The following PCDHGB5 variants were observed in gnomAD, a reference collection of about 807,000 sequenced individuals.
PCDHGB5 encodes protocadherin gamma-B5.
PCDHGB5 carries 48 observed loss-of-function variants against 62.9 expected under a neutral mutation model. The ratio of observed to expected loss-of-function variants is 0.76; its 90% CI spans 0.61 to 0.97. The LOEUF (loss-of-function observed/expected upper bound fraction) is 0.97, where lower values mean the gene tolerates loss of function less well. Ranked by LOEUF, PCDHGB5 falls within the 50% of genes least tolerant of loss-of-function variation. The pLI is 0.00. For synonymous variants in PCDHGB5, 474 were observed against 511.2 expected (o/e 0.93, Z 0.98); for missense variants, 1,118 against 1,198.6 (o/e 0.93, Z 0.99).
chr5:141,421,239 G>C, intron 1 of PCDHGB5: 1 of 1,599,000 alleles, frequency 6.3e-7, no homozygotes, highest in South Asian at 1.1e-5. Flanking sequence ...TGGCGAATCG[G>C]CTACAGCGCG....
In PCDHGB5 at chr5:141,460,961, A is replaced by ATATGTGTGTG. The variant is rs1463306338; in HGVS notation, c.2398-33845_2398-33844insATGTGTGTGT. On this transcript the variant is annotated intron_variant, in intron 1 of 3. Coordinates refer to ENST00000617380, the MANE Select transcript of PCDHGB5 (RefSeq NM_018925.3). ...ATATATATGTATTATGTATATATAT[A>ATATGTGTGTG]TGTGTGTGTGTGTGTGTGTGTGTAT... Among the ~76,000 whole-genome samples the ATATGTGTGTG allele has an allele frequency of 1.3e-3, 194 of 144,616 alleles. 1 individual carries two copies. The highest frequency in any genetic ancestry group is 4.7e-3 in the African/African-American group (182 of 38,716). 94.9% of individuals were successfully genotyped at this position (144,616 alleles called of 152,430 possible). A position where few individuals can be genotyped will look rare whatever the true frequency, so the allele number is the denominator to read the frequency against.
rs1000330093 is a variant in PCDHGB5 at position 141,511,812 on chromosome 5, C to T, written c.*639C>T. 2.5e-5 allele frequency: 4 copies of T among 157,260 alleles called. No individual in the cohort carries two copies. Among genetic ancestry groups the T allele is most frequent in the African/African-American group, 9.6e-5 (4 of 41,492 alleles). The allele number at this position is 157,260 out of a possible 1,614,324, so 9.7% of individuals were successfully genotyped here. The stretch of plus-strand genomic sequence containing the variant: ...TAGGGAGGGCATTTTGCTACCAAGC[C>T]TCTTCCCAACGCCCTGGGGACCAGT... On this transcript the variant is annotated 3_prime_UTR_variant, in exon 4 of 4. Transcript: ENST00000617380.
At chr5:141,423,749 T>TTG (rs1249843775) in intron 1 of PCDHGB5, 127 of 272,264 alleles carry the variant, frequency 4.7e-4, no homozygotes, top group South Asian at 6.4e-4. Context: ...TGAAAACTGT[T>TTG]TGGGGGGGGG....
rs371807105 is a variant in PCDHGB5 at position 141,476,586 on chromosome 5, A to G, written c.2398-18221A>G. ...GCTCCGGGGACGCGCTTTCCGCTCG[A>G]GAGCGCGCACGATCCCGATGTGGGA... is the stretch of plus-strand genomic sequence containing the variant. On this transcript the variant is annotated intron_variant, in intron 1 of 3. Coordinates refer to ENST00000617380, the MANE Select transcript of PCDHGB5 (RefSeq NM_018925.3). This position sits in a 1 kb window ranked among gnomAD's most constrained non-coding sequence, Gnocchi z 7.6. The G allele has an allele frequency of 6.2e-7, 1 of 1,614,222 alleles. No homozygotes were observed. The highest frequency in any genetic ancestry group is 8.5e-7 in the Non-Finnish European group (1 of 1,180,032).
At position 141,491,724 on chromosome 5, in the gene PCDHGB5, G is replaced by A; in HGVS notation, c.2398-3083G>A. ...AGGTGAGGGGCTCGGCGCCGCCCCGGGCGACCCCTGGGGGCGGCACTGGAG... is the reference window on the plus strand; with the variant it reads ...AGGTGAGGGGCTCGGCGCCGCCCCGAGCGACCCCTGGGGGCGGCACTGGAG... On this transcript the variant is annotated intron_variant, in intron 1 of 3. Coordinates refer to ENST00000617380, the MANE Select transcript of PCDHGB5 (RefSeq NM_018925.3). This position sits in a 1 kb window ranked among gnomAD's most constrained non-coding sequence, Gnocchi z 6.9. 1 of 1,606,454 alleles carries A rather than the reference G, an allele frequency of 6.2e-7. No individual in the cohort carries two copies. The highest frequency in any genetic ancestry group is 1.1e-5 in the South Asian group (1 of 90,304).
At chr5:141,414,452 T>G in intron 1 of PCDHGB5, 1 of 1,613,886 alleles carries the variant, frequency 6.2e-7, no homozygotes, top group Non-Finnish European at 8.5e-7. Context: ...AATATCACAG[T>G]GACAGCCACA....
At chr5:141,478,586 T>C (rs754157570) in intron 1 of PCDHGB5, 6 of 1,576,788 alleles carry the variant, frequency 3.8e-6, no homozygotes, top group Non-Finnish European at 3.4e-6. Context: ...GTTAGTGCTT[T>C]TTTATTCCTA....
Position 141,410,405 on chromosome 5 carries a change from T to C in PCDHGB5, c.2397+9881T>C, listed in dbSNP as rs777544150. ...CTTCCATCCTGGTCTCTGTGTCAAGTCTGGACCTGTAGTTCCCCCCAACTA... is the reference window on the plus strand; with the variant it reads ...CTTCCATCCTGGTCTCTGTGTCAAGCCTGGACCTGTAGTTCCCCCCAACTA... On this transcript the variant is annotated intron_variant, in intron 1 of 3. Transcript: ENST00000617380. 2.2e-5 allele frequency: 35 copies of C among 1,613,948 alleles called. 1 individual carries two copies. In the East Asian group the frequency reaches 7.8e-4, roughly 36 times the overall value.
rs1283050252 is a variant in PCDHGB5, at chr5:141,512,909, T to G, written c.*1736T>G. ...CCTCTTCCTGTGTCTCACGCAAGTT[T>G]TATACTCTAATATTTATATGGCTTT... On this transcript the variant is annotated 3_prime_UTR_variant, in exon 4 of 4. Coordinates refer to ENST00000617380, the MANE Select transcript of PCDHGB5 (RefSeq NM_018925.3). 6.6e-6 allele frequency: 1 copy of G among 152,268 alleles called. No homozygotes were observed. The highest frequency in any genetic ancestry group is 1.5e-5 in the Non-Finnish European group (1 of 68,056). 9.4% of individuals were successfully genotyped at this position (152,268 alleles called of 1,614,324 possible).
intron 1 of PCDHGB5, among the ~76,000 whole-genome samples, chr5:141,454,065 G>A (rs1167102666): frequency 1.3e-5 from 2 of 152,204 alleles, no homozygotes; most frequent in Non-Finnish European, 2.9e-5. Flanking sequence ...AGAAACAAAA[G>A]TGATAATGTT....
intron 1 of PCDHGB5, among the ~76,000 whole-genome samples, chr5:141,438,606 A>G: frequency 3.6e-5 from 1 of 27,780 alleles, no homozygotes; most frequent in African/African-American, 2.7e-4. Flanking sequence ...ATATATATAT[A>G]TATATATATA....
intron 1 of PCDHGB5, chr5:141,400,775 C>T (rs2094072666): frequency 5.4e-6 from 3 of 559,824 alleles, no homozygotes; most frequent in South Asian, 5.1e-5. Context: ...ACATTTGGTG[C>T]GTTTTTTTGT....
rs766191511 is a variant in PCDHGB5, at chr5:141,432,498, G to T, written c.2397+31974G>T. ...TCCACTGGCGTGGAGCTGGCTCCCC[G>T]CTCCGCAGAGCCCGGCTACCTGGTG... On this transcript the variant is annotated intron_variant, in intron 1 of 3. Coordinates refer to ENST00000617380, the MANE Select transcript of PCDHGB5 (RefSeq NM_018925.3). The surrounding 1 kb of genome is among the most constrained non-coding windows in gnomAD (Gnocchi z 6.0). The T allele has an allele frequency of 6.2e-7, 1 of 1,614,106 alleles. No homozygotes were observed. The highest frequency in any genetic ancestry group is 8.5e-7 in the Non-Finnish European group (1 of 1,180,052).
chr5:141,508,171 A>G (rs1364776681), intron 3 of PCDHGB5: 2 of 152,406 alleles, frequency 1.3e-5, no homozygotes, highest in African/African-American at 4.8e-5. Context: ...AGGCTGGCAC[A>G]GGAGAGAAGG....
At position 141,487,448 on chromosome 5, in the gene PCDHGB5, C is replaced by T; in HGVS notation, c.2398-7359C>T. The stretch of plus-strand genomic sequence containing the variant: ...CCGAATCCAGCTAGGGTCAGATGAC[C>T]CTATCAAGTTTGTTGATGTGGGAGG... On this transcript the variant is annotated intron_variant, in intron 1 of 3. Coordinates refer to ENST00000617380, the MANE Select transcript of PCDHGB5 (RefSeq NM_018925.3). The surrounding 1 kb of genome is among the most constrained non-coding windows in gnomAD (Gnocchi z 5.0). 6.8e-6 allele frequency: 11 copies of T among 1,614,146 alleles called. No individual in the cohort carries two copies. The highest frequency in any genetic ancestry group is 9.3e-6 in the Non-Finnish European group (11 of 1,180,028).
rs761202330 is a variant in PCDHGB5 at position 141,489,878 on chromosome 5, C to T, written c.2398-4929C>T. 1.1e-5 allele frequency: 17 copies of T among 1,614,116 alleles called. No individual in the cohort carries two copies. In the East Asian group the frequency reaches 3.6e-4, roughly 34 times the overall value. On this transcript the variant is annotated intron_variant, in intron 1 of 3. Transcript: ENST00000617380. This position sits in a 1 kb window ranked among gnomAD's most constrained non-coding sequence, Gnocchi z 4.5. ...CAGGCAAGACATCAGCTGGTGCTTA[C>T]TGCTGTGGATGGGGGGACCCCAGCC... is the stretch of plus-strand genomic sequence containing the variant.
chr5:141,405,339 A>T (rs980651625), intron 1 of PCDHGB5: 12 of 1,614,060 alleles, frequency 7.4e-6, no homozygotes, highest in Non-Finnish European at 1.0e-5. Context: ...GTCTCTGTTG[A>T]TTCCAAGTTT....
At position 141,431,353 on chromosome 5, in the gene PCDHGB5, C is replaced by T. The variant is rs1273946805; in HGVS notation, c.2397+30829C>T. 1 of 1,613,940 alleles carries T rather than the reference C, an allele frequency of 6.2e-7. No homozygotes were observed. Among genetic ancestry groups the T allele is most frequent in the Non-Finnish European group, 8.5e-7 (1 of 1,180,042 alleles). On this transcript the variant is annotated intron_variant, in intron 1 of 3. Coordinates refer to ENST00000617380, the MANE Select transcript of PCDHGB5 (RefSeq NM_018925.3). This position sits in a 1 kb window ranked among gnomAD's most constrained non-coding sequence, Gnocchi z 4.8. ...AGTACCCCGAATTGGTGCTGAAACG[C>T]GCCCTGGACCGCGAAGAAAAGGCTG...
Position 141,400,341 on chromosome 5 carries a change from C to A in PCDHGB5, c.2214C>A (p.Asn738Lys), listed in dbSNP as rs754175136. Residue 738 changes from asparagine to lysine, a missense_variant, in exon 1 of 4, where the codon AAC (asparagine) becomes AAA (lysine). By Grantham distance (94) the Asn-to-Lys change is moderately conservative. This residue lies in a region of PCDHGB5 where 1,034 missense variants were observed against 1,029.1 expected (regional missense o/e 1.00). Transcript: ENST00000617380. ...CVKSGPVVPP[N>K]YSQGTLPYSY... ...AGTCTGGACCTGTGGTTCCCCCCAA[C>A]TACAGTCAGGGGACTTTGCCTTATT... 6.2e-7 allele frequency: 1 copy of A among 1,614,070 alleles called. No individual in the cohort carries two copies. Among genetic ancestry groups the A allele is most frequent in the African/African-American group, 1.3e-5 (1 of 75,060 alleles).
Sources: gnomAD v4.1 joint callset for allele counts (sites outside exome capture counted in the v4.1 genomes callset) on GRCh38, gnomAD v4.1.1 for gene constraint, gnomAD v4.1.1 regional missense constraint, Gnocchi (gnomAD v3.1) non-coding constraint, MANE v1.5 for transcripts, NCBI Gene and HGNC (gene_info 2026-07-23, HGNC 2026-07-21) for gene names.